Variants in FSTL5 observed in about 807,000 individuals in gnomAD.
The protein encoded by FSTL5 is follistatin-related protein 5.
A neutral mutation model predicts 89.1 loss-of-function variants in FSTL5; 62 were observed. That is an observed-to-expected ratio of 0.70 (90% CI 0.57 to 0.86). The LOEUF (loss-of-function observed/expected upper bound fraction) is 0.86, where lower values mean the gene tolerates loss of function less well. FSTL5 is among the 40% of genes least tolerant of loss of function. The pLI is 0.00. For synonymous variants in FSTL5, 383 were observed against 346.2 expected, an observed-to-expected ratio of 1.11 and a Z score of -1.18; for missense variants, 1,057 against 1,001.6, an observed-to-expected ratio of 1.06 and a Z score of -0.75.
intron 4 of FSTL5, among the ~76,000 whole-genome samples, chr4:161,778,994 C>T (rs1741522477): frequency 6.6e-6 from 1 of 152,156 alleles, no homozygotes; most frequent in Non-Finnish European, 1.5e-5. Flanking sequence ...CCAGTGGAAG[C>T]CATGTGGAAC....
At position 161,563,334 on chromosome 4, in the gene FSTL5, G is replaced by A. The variant is rs138560479; in HGVS notation, c.1016-20641C>T. The stretch of plus-strand genomic sequence containing the variant: ...TATCCAGAAGTGGAACTGCTTTATC[G>A]TATGGCAATTCTATTGCTATTTTTT... On this transcript the variant is annotated intron_variant, in intron 8 of 15. Transcript: ENST00000306100. Among the ~76,000 whole-genome samples, 250 of 151,914 alleles carry A rather than the reference G, an allele frequency of 1.6e-3. 2 individuals carry two copies. Among genetic ancestry groups the A allele is most frequent in the African/African-American group, 5.6e-3 (232 of 41,468 alleles).
intron 1 of FSTL5, among the ~76,000 whole-genome samples, chr4:162,154,235 A>C (rs1430436450): frequency 6.6e-6 from 1 of 152,160 alleles, no homozygotes; most frequent in East Asian, 1.9e-4. Context: ...ATTGTATATA[A>C]AAGATGCAAG....
chr4:161,658,827 C>T (rs1183737089), intron 6 of FSTL5, among the ~76,000 whole-genome samples: 1 of 152,176 alleles, frequency 6.6e-6, no homozygotes, highest in Middle Eastern at 3.4e-3. Flanking sequence ...CTTCTGGTTC[C>T]TCATTAAATT....
intron 8 of FSTL5, among the ~76,000 whole-genome samples, chr4:161,563,319 T>C (rs1308493977): frequency 6.6e-6 from 1 of 152,002 alleles, no homozygotes; most frequent in Non-Finnish European, 1.5e-5. Context: ...TATCCAGAAG[T>C]GGAACTGCTT....
chr4:161,842,612 TA>T (rs1375501286), intron 4 of FSTL5, among the ~76,000 whole-genome samples: 1 of 152,062 alleles, frequency 6.6e-6, no homozygotes, highest in Admixed American at 6.6e-5. Flanking sequence ...CAAAAATCTT[TA>T]AAAAATAGTC....
chr4:161,871,524 T>G (rs1362425513), intron 4 of FSTL5, among the ~76,000 whole-genome samples: 4 of 152,146 alleles, frequency 2.6e-5, no homozygotes, highest in Non-Finnish European at 5.9e-5. Flanking sequence ...TAGTTTCATT[T>G]TATGGATAAC....
intron 6 of FSTL5, among the ~76,000 whole-genome samples, chr4:161,672,694 T>C (rs1737157169): frequency 6.7e-6 from 1 of 148,824 alleles, no homozygotes; most frequent in Non-Finnish European, 1.5e-5. Context: ...CTCTCGATTT[T>C]ATCTAAGAAA....
intron 2 of FSTL5, among the ~76,000 whole-genome samples, chr4:162,092,804 C>T (rs927511652): frequency 2.6e-5 from 4 of 151,578 alleles, no homozygotes; most frequent in South Asian, 2.1e-4. Context: ...CAAAAATTAG[C>T]CAGCCGTGGT....
At chr4:161,523,502 T>C (rs1038131616) in intron 10 of FSTL5, among the ~76,000 whole-genome samples, 2 of 152,244 alleles carry the variant, frequency 1.3e-5, no homozygotes, top group African/African-American at 4.8e-5. Context: ...TATTTTGATA[T>C]AATTATATAC....
At chr4:161,875,933 A>G (rs1732428324) in intron 4 of FSTL5, among the ~76,000 whole-genome samples, 2 of 152,140 alleles carry the variant, frequency 1.3e-5, no homozygotes, top group Non-Finnish European at 1.5e-5. Flanking sequence ...TTTAATTTGG[A>G]CAATTGTTTC....
intron 11 of FSTL5, among the ~76,000 whole-genome samples, chr4:161,506,203 G>A (rs748243575): frequency 1.9e-4 from 28 of 151,006 alleles, no homozygotes; most frequent in Non-Finnish European, 3.8e-4. Context: ...TGAGTAGCTG[G>A]GATTACAGGC....
intron 4 of FSTL5, among the ~76,000 whole-genome samples, chr4:161,883,856 T>A (rs1024956281): frequency 7.9e-5 from 12 of 152,174 alleles, no homozygotes; most frequent in African/African-American, 2.9e-4. Flanking sequence ...CAAGGATACA[T>A]TATTCTATGT....
At chr4:162,015,475 A>C (rs1736889974) in intron 3 of FSTL5, among the ~76,000 whole-genome samples, 1 of 152,172 alleles carries the variant, frequency 6.6e-6, no homozygotes, top group Non-Finnish European at 1.5e-5. Context: ...TGTATGCCCC[A>C]GTAACGTGCC....
chr4:162,130,366 CTCAA>C (rs572775081), intron 1 of FSTL5, among the ~76,000 whole-genome samples: 13 of 150,794 alleles, frequency 8.6e-5, no homozygotes, highest in South Asian at 2.1e-4. Flanking sequence ...TTAAAACAAG[CTCAA>C]TCAAACAAGA....
At chr4:161,748,606 GT>G (rs5863480) in intron 6 of FSTL5, among the ~76,000 whole-genome samples, 59,321 of 103,206 alleles carry the variant, frequency 0.57, 15,667 homozygotes, top group East Asian at 0.64. Context: ...GGGGAAGCAC[GT>G]TTTTTTTTTT....
intron 4 of FSTL5, among the ~76,000 whole-genome samples, chr4:161,833,631 T>C (rs896602264): frequency 6.6e-6 from 1 of 152,106 alleles, no homozygotes; most frequent in Non-Finnish European, 1.5e-5. Flanking sequence ...TTTACCATTA[T>C]GTAATAGCCT....
At chr4:161,600,223 G>T (rs1734182522) in intron 7 of FSTL5, among the ~76,000 whole-genome samples, 1 of 145,968 alleles carries the variant, frequency 6.9e-6, no homozygotes, top group Non-Finnish European at 1.5e-5. Context: ...CATTTATGTA[G>T]CATCCAAAAA....
At chr4:161,470,882 ATTTG>A (rs35014484) in intron 13 of FSTL5, among the ~76,000 whole-genome samples, 7,933 of 151,964 alleles carry the variant, frequency 0.052, 310 homozygotes, top group East Asian at 0.13. Flanking sequence ...TCTATTTGCA[ATTTG>A]TTTATTATTA....
intron 13 of FSTL5, among the ~76,000 whole-genome samples, chr4:161,475,468 C>T (rs1209540246): frequency 1.3e-5 from 2 of 152,124 alleles, no homozygotes; most frequent in African/African-American, 2.4e-5. Context: ...AGTCCTCAGA[C>T]TCAATAATTC....
Sources: gnomAD v4.1 joint callset for allele counts (sites outside exome capture counted in the v4.1 genomes callset) on GRCh38, gnomAD v4.1.1 for gene constraint, MANE v1.5 for transcripts, NCBI Gene and HGNC (gene_info 2026-07-23, HGNC 2026-07-21) for gene names.